LRP1B: variants seen among roughly 807,000 people sequenced by gnomAD.
LRP1B encodes the protein LDL receptor related protein 1B.
LRP1B carries 217 observed loss-of-function variants against 556.6 expected under a neutral mutation model. The observed-to-expected ratio is 0.39, with a 90% CI of 0.35 to 0.44. The LOEUF (loss-of-function observed/expected upper bound fraction) is 0.44, where lower values mean the gene tolerates loss of function less well. Among genes scored for constraint, LRP1B ranks in the 20% least tolerant of loss-of-function variants. The pLI, the probability that LRP1B is intolerant of heterozygous loss-of-function variation, is 1.00. For synonymous variants in LRP1B, 2,047 were observed against 1,865.8 expected (o/e 1.10, Z -2.50); for missense variants, 5,053 against 5,620.8 (o/e 0.90, Z 3.23).
chr2:141,257,039 G>T lies in LRP1B; in HGVS notation c.344-2398C>A, dbSNP rs149704719. 2.8e-3 allele frequency among the ~76,000 whole-genome samples: 426 copies of T among 151,840 alleles called. 3 individuals carry two copies. Among genetic ancestry groups the T allele is most frequent in the African/African-American group, 8.7e-3 (362 of 41,436 alleles). On this transcript the variant is annotated intron_variant, in intron 3 of 90. Coordinates refer to ENST00000389484, the MANE Select transcript of LRP1B (RefSeq NM_018557.3). ...AGTACATAAGTGAAGAACCTAGAAA[G>T]TCTCACAAAACCTAAGGAAGAAGAG...
intron 18 of LRP1B, among the ~76,000 whole-genome samples, chr2:140,963,365 T>C (rs1180406343): frequency 6.6e-6 from 1 of 152,090 alleles, no homozygotes; most frequent in African/African-American, 2.4e-5. Flanking sequence ...CTATGTGCCA[T>C]CCACGACCTA....
chr2:141,166,393 A>G (rs560173322), intron 7 of LRP1B, among the ~76,000 whole-genome samples: 62 of 140,138 alleles, frequency 4.4e-4, no homozygotes, highest in African/African-American at 1.6e-3. Flanking sequence ...TTACATTTTA[A>G]TATTTACAGG....
At chr2:141,463,232 T>C (rs1182976251) in intron 3 of LRP1B, among the ~76,000 whole-genome samples, 1 of 152,122 alleles carries the variant, frequency 6.6e-6, no homozygotes, top group Non-Finnish European at 1.5e-5. Flanking sequence ...CTGAACTAAG[T>C]GCTAATTGCC....
chr2:141,303,386 T>A (rs1686466125), intron 3 of LRP1B, among the ~76,000 whole-genome samples: 1 of 152,112 alleles, frequency 6.6e-6, no homozygotes, highest in African/African-American at 2.4e-5. Context: ...CTCCTACATA[T>A]CTGTACAGTT....
At chr2:141,030,433 C>A (rs1317619888) in intron 11 of LRP1B, among the ~76,000 whole-genome samples, 1 of 151,930 alleles carries the variant, frequency 6.6e-6, no homozygotes, top group Non-Finnish European at 1.5e-5. Flanking sequence ...ATTTGAAATT[C>A]CTCTATTTAA....
At chr2:140,822,393 C>T (rs961567687) in intron 31 of LRP1B, among the ~76,000 whole-genome samples, 1 of 152,124 alleles carries the variant, frequency 6.6e-6, no homozygotes, top group Non-Finnish European at 1.5e-5. Context: ...CATAAAATGC[C>T]AAGTTGAGCA....
At chr2:140,493,805 G>A (rs1182623091) in intron 56 of LRP1B, among the ~76,000 whole-genome samples, 1 of 152,036 alleles carries the variant, frequency 6.6e-6, no homozygotes, top group Admixed American at 6.6e-5. Context: ...CCAAAGGTAT[G>A]ACATTATGTT....
chr2:141,379,350 G>T (rs1281463686), intron 3 of LRP1B, among the ~76,000 whole-genome samples: 1 of 152,154 alleles, frequency 6.6e-6, no homozygotes, highest in Non-Finnish European at 1.5e-5. Context: ...ATTAATAGTA[G>T]ATCTGCCCTA....
intron 1 of LRP1B, among the ~76,000 whole-genome samples, chr2:142,036,829 C>T (rs1008390824): frequency 6.6e-6 from 1 of 151,686 alleles, no homozygotes; most frequent in Admixed American, 6.6e-5. Context: ...CTAATTATTA[C>T]AAAGCATCAC....
intron 37 of LRP1B, among the ~76,000 whole-genome samples, chr2:140,706,680 G>A (rs568599063): frequency 6.6e-6 from 1 of 152,182 alleles, no homozygotes; most frequent in Non-Finnish European, 1.5e-5. Flanking sequence ...GGATAAATAG[G>A]TAAAAAGATC....
At chr2:140,370,612 G>A (rs766204826) in intron 71 of LRP1B, 98 bp downstream of exon 71, 41 of 1,433,350 alleles carry the variant, frequency 2.9e-5, no homozygotes, top group Non-Finnish European at 3.6e-5. Flanking sequence ...ATTATTTAAA[G>A]ATTCTATCCT....
At chr2:141,229,594 T>G (rs942873988) in intron 5 of LRP1B, among the ~76,000 whole-genome samples, 154 bp from the exon 6 acceptor site, 4 of 152,202 alleles carry the variant, frequency 2.6e-5, no homozygotes, top group Non-Finnish European at 5.9e-5. Flanking sequence ...ATATGTATAC[T>G]TCACTGTTTT....
rs750367585 is a variant in LRP1B, at chr2:140,444,684, G to A, written c.10058-5C>T. 1.9e-6 allele frequency: 3 copies of A among 1,576,692 alleles called. No homozygotes were observed. The highest frequency in any genetic ancestry group is 2.2e-5 in the East Asian group (1 of 44,622). ...CTGGCTGACATCTAAATTCAGCTAG[G>A]GGAGAAAGCATAGATATTGTGGAAT... On this transcript the variant is annotated splice_polypyrimidine_tract_variant and splice_region_variant and intron_variant, in intron 63 of 90. Coordinates refer to ENST00000389484, the MANE Select transcript of LRP1B (RefSeq NM_018557.3).
chr2:141,978,462 C>A (rs1056587584), intron 1 of LRP1B, among the ~76,000 whole-genome samples: 5 of 151,846 alleles, frequency 3.3e-5, no homozygotes, highest in African/African-American at 1.2e-4. Flanking sequence ...TAGAGTTTAA[C>A]AAGGTGTCTA....
intron 35 of LRP1B, among the ~76,000 whole-genome samples, chr2:140,717,799 T>C (rs961453038): frequency 6.6e-6 from 1 of 152,142 alleles, no homozygotes; most frequent in Non-Finnish European, 1.5e-5. Flanking sequence ...AAGCCATTTA[T>C]CAGCAAGCTT....
intron 15 of LRP1B, among the ~76,000 whole-genome samples, chr2:140,996,028 G>A (rs1697235572): frequency 6.6e-6 from 1 of 151,952 alleles, no homozygotes; most frequent in South Asian, 2.1e-4. Context: ...GGCCTGCTGT[G>A]GCATGAGGGA....
At chr2:142,046,944 G>A (rs767896892) in intron 1 of LRP1B, among the ~76,000 whole-genome samples, 1 of 151,966 alleles carries the variant, frequency 6.6e-6, no homozygotes, top group Non-Finnish European at 1.5e-5. Context: ...GGTGGAAAAA[G>A]TAAAGCTTTT....
intron 67 of LRP1B, among the ~76,000 whole-genome samples, chr2:140,383,861 G>A (rs1683645774): frequency 6.6e-6 from 1 of 152,092 alleles, no homozygotes; most frequent in African/African-American, 2.4e-5. Context: ...TTTTATACTG[G>A]AATGCTTGAT....
At chr2:141,769,624 G>A (rs1387824162) in intron 2 of LRP1B, among the ~76,000 whole-genome samples, 2 of 152,158 alleles carry the variant, frequency 1.3e-5, no homozygotes, top group Admixed American at 6.6e-5. Context: ...ACTCTGAACT[G>A]ATGTTAGAAA....
Sources: allele counts gnomAD v4.1 joint callset (sites outside exome capture counted in the v4.1 genomes callset), GRCh38; gene constraint gnomAD v4.1.1; transcripts MANE v1.5; gene names NCBI Gene and HGNC (gene_info 2026-07-23, HGNC 2026-07-21).